The following VSTM2B variants were observed in gnomAD, a reference collection of about 807,000 sequenced individuals.
The protein encoded by VSTM2B is V-set and transmembrane domain containing 2B.
VSTM2B carries 24 observed loss-of-function variants against 24.0 expected under a neutral mutation model. The ratio of observed to expected loss-of-function variants is 1.00; its 90% CI spans 0.72 to 1.40. VSTM2B has a LOEUF of 1.40. Ranked by LOEUF, VSTM2B falls within the 40% of genes most tolerant of loss-of-function variation. The probability of loss-of-function intolerance (pLI) is 0.00; values close to 1 mark genes in which losing one functional copy is unlikely to be tolerated. For missense variants in VSTM2B, 399 were observed against 416.4 expected (o/e 0.96, Z 0.36); for synonymous variants, 226 against 194.4 (o/e 1.16, Z -1.35).
rs10409054 is a variant in VSTM2B, at chr19:29,552,400, G to A, written c.770-11446G>A. On this transcript the variant is annotated intron_variant, in intron 4 of 4. Transcript: ENST00000335523. ...ACCAGGTTCTCTCACTGGTACTGAC[G>A]TCGTTGGCAAGACCCATGGAGAGCA... Among the ~76,000 whole-genome samples the A allele has an allele frequency of 3.1e-4, 47 of 152,254 alleles. No individual in the cohort carries two copies. The East Asian group carries it at 6.7e-3, about 22-fold the overall frequency.
At chr19:29,556,724 A>T (rs896761341) in intron 4 of VSTM2B, among the ~76,000 whole-genome samples, 1 of 152,138 alleles carries the variant, frequency 6.6e-6, no homozygotes, top group Non-Finnish European at 1.5e-5. Context: ...TATTCCTGTG[A>T]TAGACAAGCA....
chr19:29,561,599 C>T lies in VSTM2B; in HGVS notation c.770-2247C>T, dbSNP rs548339098. On this transcript the variant is annotated intron_variant, in intron 4 of 4. Transcript: ENST00000335523. ...GAGATTGCACCATTGCACTCCAGCC[C>T]GGGCAACAAGAGCGCAACTCCATCT... is the stretch of plus-strand genomic sequence containing the variant. Among the ~76,000 whole-genome samples, 8 of 152,138 alleles carry T rather than the reference C, an allele frequency of 5.3e-5. No homozygotes were observed. In the South Asian group the frequency reaches 6.2e-4, roughly 12 times the overall value.
intron 4 of VSTM2B, among the ~76,000 whole-genome samples, chr19:29,556,320 G>A (rs368213155): frequency 5.3e-5 from 8 of 152,266 alleles, no homozygotes; most frequent in South Asian, 2.1e-4. Context: ...AAAGGCCTTC[G>A]ATAAAATTCA....
rs1742500407 is a variant in VSTM2B at position 29,564,072 on chromosome 19, T to C, written c.*138T>C. On this transcript the variant is annotated 3_prime_UTR_variant, in exon 5 of 5. Coordinates refer to ENST00000335523, the MANE Select transcript of VSTM2B (RefSeq NM_001146339.2). ...CCACATGGAAAATAAATAAATCATATTTTTGGGAAAGTTACACAAATGTAG... is the reference window on the plus strand; with the variant it reads ...CCACATGGAAAATAAATAAATCATACTTTTGGGAAAGTTACACAAATGTAG... 1 of 690,214 alleles carries C rather than the reference T, an allele frequency of 1.4e-6. No homozygotes were observed. The highest frequency in any genetic ancestry group is 2.4e-6 in the Non-Finnish European group (1 of 413,724). The allele number at this position is 690,214 out of a possible 1,614,324, so 42.8% of individuals were successfully genotyped here.
chr19:29,563,892 G>A lies in VSTM2B; in HGVS notation c.816G>A (p.Leu272=), dbSNP rs745737020. ...YTTDPLLSLL[L]LALHKFLRLL... ...CAGACCCACTCTTGTCCCTGCTCCT[G>A]TTAGCTCTGCATAAGTTCCTGCGCC... is the stretch of plus-strand genomic sequence containing the variant. The change falls in exon 5 of 5, where the codon CTG becomes CTA. Residue 272 remains leucine (L), a synonymous_variant. Transcript: ENST00000335523. 80 of 1,552,226 alleles carry A rather than the reference G, an allele frequency of 5.2e-5. No homozygotes were observed. Among genetic ancestry groups the A allele is most frequent in the South Asian group, 4.3e-4 (36 of 84,060 alleles).
chr19:29,529,974 CT>C lies in VSTM2B; in HGVS notation c.455del (p.Phe152SerfsTer122), dbSNP rs1381054630. The C allele has an allele frequency of 6.5e-7, 1 of 1,546,126 alleles. No homozygotes were observed. The highest frequency in any genetic ancestry group is 8.7e-7 in the Non-Finnish European group (1 of 1,146,486). ...AGGCGATGCTGCGCGTGCTCTCGCG[CT>C]TCGCGCCGCCCAACATGCAGGCCGC... ...AQAMLRVLSRFAPPNMQAAEA... is the reference protein window; with the variant it reads ...AQAMLRVLSRXAPPNMQAAEA... On this transcript the variant is annotated frameshift_variant, in exon 4 of 5. Transcript: ENST00000335523. LOFTEE classifies it high-confidence loss of function.
chr19:29,548,937 G>A (rs1970209876), intron 4 of VSTM2B, among the ~76,000 whole-genome samples: 1 of 152,220 alleles, frequency 6.6e-6, no homozygotes, highest in African/African-American at 2.4e-5. Flanking sequence ...GGCAGGACTG[G>A]CAGCTCACCC....
intron 2 of VSTM2B, among the ~76,000 whole-genome samples, 170 bp downstream of exon 2, chr19:29,527,565 C>G (rs1330677954): frequency 6.6e-6 from 1 of 152,214 alleles, no homozygotes; most frequent in Non-Finnish European, 1.5e-5. Flanking sequence ...GCAGTGGTTA[C>G]CCCCAAACCT....
chr19:29,563,268 T>C (rs1327146380), intron 4 of VSTM2B, among the ~76,000 whole-genome samples: 2 of 151,648 alleles, frequency 1.3e-5, no homozygotes, highest in Non-Finnish European at 2.9e-5. Context: ...TTTTTCTTTT[T>C]TTGAGACAGA....
At chr19:29,546,514 T>G (rs1385306858) in intron 4 of VSTM2B, among the ~76,000 whole-genome samples, 1 of 152,262 alleles carries the variant, frequency 6.6e-6, no homozygotes, top group Non-Finnish European at 1.5e-5. Flanking sequence ...GGGAAAATTC[T>G]CTTGCAGGGG....
chr19:29,553,220 G>A (rs976731762), intron 4 of VSTM2B, among the ~76,000 whole-genome samples: 51 of 152,202 alleles, frequency 3.4e-4, no homozygotes, highest in African/African-American at 1.2e-3. Context: ...TGCCCTTCCA[G>A]GATGGAGATC....
chr19:29,541,477 T>C (rs986817252), intron 4 of VSTM2B, among the ~76,000 whole-genome samples: 3 of 151,538 alleles, frequency 2.0e-5, no homozygotes, highest in Admixed American at 6.6e-5. Context: ...GGGTGGATGA[T>C]GGAAGAATGA....
chr19:29,534,072 G>A (rs1242681844), intron 4 of VSTM2B, among the ~76,000 whole-genome samples: 1 of 152,234 alleles, frequency 6.6e-6, no homozygotes, highest in East Asian at 1.9e-4. Context: ...TCACTGGGGG[G>A]GATGGAAAGA....
At chr19:29,559,536 C>T (rs1029141308) in intron 4 of VSTM2B, among the ~76,000 whole-genome samples, 6 of 152,170 alleles carry the variant, frequency 3.9e-5, no homozygotes, top group Admixed American at 3.9e-4. Context: ...GTGTAGCAAA[C>T]TACCATGGTA....
In VSTM2B at chr19:29,526,825, AAGGG is replaced by A; in HGVS notation, c.82+161_82+164del. Reference sequence around the variant, plus strand: ...GAGGGGTAGGGAGAGGCGAGCGGCGAAGGGTCGCCGCAGCAGCAGCGCCGCGCCC... The same window carrying A: ...GAGGGGTAGGGAGAGGCGAGCGGCGATCGCCGCAGCAGCAGCGCCGCGCCC... On this transcript the variant is annotated intron_variant, in intron 1 of 4. Transcript: ENST00000335523. The surrounding 1 kb of genome is among the most constrained non-coding windows in gnomAD (Gnocchi z 4.1). The A allele has an allele frequency of 1.6e-6, 1 of 626,590 alleles. No homozygotes were observed. Among genetic ancestry groups the A allele is most frequent in the Non-Finnish European group, 2.5e-6 (1 of 396,222 alleles). 38.8% of individuals were successfully genotyped at this position (626,590 alleles called of 1,614,324 possible).
At chr19:29,550,706 G>A (rs1428455003) in intron 4 of VSTM2B, among the ~76,000 whole-genome samples, 3 of 152,038 alleles carry the variant, frequency 2.0e-5, no homozygotes, top group East Asian at 1.9e-4. Context: ...GCACTACAGC[G>A]TCAGCCTATG....
chr19:29,546,771 TTAAG>T (rs1254509074), intron 4 of VSTM2B, among the ~76,000 whole-genome samples: 1 of 151,296 alleles, frequency 6.6e-6, no homozygotes, highest in Non-Finnish European at 1.5e-5. Context: ...GCCATTCACA[TTAAG>T]TGACATCATT....
intron 4 of VSTM2B, among the ~76,000 whole-genome samples, chr19:29,535,797 A>G (rs954585700): frequency 6.6e-6 from 1 of 152,192 alleles, no homozygotes; most frequent in Non-Finnish European, 1.5e-5. Context: ...CAGCAGGCCC[A>G]GGACCTGTGG....
intron 4 of VSTM2B, among the ~76,000 whole-genome samples, chr19:29,544,558 T>TAAAAAAAA (rs1970105334): frequency 1.0e-5 from 1 of 100,020 alleles, no homozygotes; most frequent in Non-Finnish European, 2.0e-5. Flanking sequence ...AAAAAAAAAC[T>TAAAAAAAA]GAATGTGCCA....
Sources: gnomAD v4.1 joint callset for allele counts (sites outside exome capture counted in the v4.1 genomes callset) on GRCh38, gnomAD v4.1.1 for gene constraint, Gnocchi (gnomAD v3.1) non-coding constraint, MANE v1.5 for transcripts, NCBI Gene and HGNC (gene_info 2026-07-23, HGNC 2026-07-21) for gene names.